The following GPATCH2 variants were observed in gnomAD, a reference collection of about 807,000 sequenced individuals.
GPATCH2 encodes the protein G-patch domain containing 2.
Under a neutral mutation model 58.0 loss-of-function variants are expected in GPATCH2, and 51 were observed. The observed-to-expected ratio is 0.88, with a 90% confidence interval of 0.70 to 1.11. The LOEUF is 1.11. GPATCH2 is among the 50% of genes most tolerant of loss of function. The pLI is 0.00. For missense variants in GPATCH2, 625 were observed against 652.2 expected (o/e 0.96, Z 0.45); for synonymous variants, 222 against 218.5 (o/e 1.02, Z -0.14).
chr1:217,522,574 G>A (rs1031078909), intron 5 of GPATCH2, among the ~76,000 whole-genome samples: 7 of 152,252 alleles, frequency 4.6e-5, no homozygotes, highest in East Asian at 1.9e-4. Context: ...ATATGTTTAC[G>A]TAAAATCCAC....
At chr1:217,518,668 T>C (rs1345332838) in intron 5 of GPATCH2, among the ~76,000 whole-genome samples, 1 of 152,226 alleles carries the variant, frequency 6.6e-6, no homozygotes, top group Non-Finnish European at 1.5e-5. Flanking sequence ...ATATTCTCAA[T>C]GATTGAGATT....
At chr1:217,627,010 T>G (rs1669499216) in intron 1 of GPATCH2, among the ~76,000 whole-genome samples, 1 of 151,912 alleles carries the variant, frequency 6.6e-6, no homozygotes, top group Non-Finnish European at 1.5e-5. Context: ...GGGAGAAAAC[T>G]ACAGAGAACA....
At chr1:217,492,157 C>T (rs1246968453) in intron 7 of GPATCH2, among the ~76,000 whole-genome samples, 1 of 152,144 alleles carries the variant, frequency 6.6e-6, no homozygotes, top group Non-Finnish European at 1.5e-5. Flanking sequence ...ACGGCCTTCA[C>T]TGTTGCATTC....
At chr1:217,470,378 G>A (rs1337915066) in intron 8 of GPATCH2, among the ~76,000 whole-genome samples, 3 of 152,284 alleles carry the variant, frequency 2.0e-5, no homozygotes, top group South Asian at 2.1e-4. Flanking sequence ...AAGAGAAGAC[G>A]TAAGTAATAA....
At chr1:217,437,603 A>G (rs1658901580) in intron 9 of GPATCH2, among the ~76,000 whole-genome samples, 2 of 152,218 alleles carry the variant, frequency 1.3e-5, no homozygotes, top group African/African-American at 4.8e-5. Context: ...CTCACAGTGT[A>G]AACAAAGCTG....
chr1:217,494,595 C>T (rs376078967), intron 7 of GPATCH2, among the ~76,000 whole-genome samples: 2 of 152,004 alleles, frequency 1.3e-5, no homozygotes, highest in South Asian at 2.1e-4. Context: ...AAAAATTAGC[C>T]GGGCATGGTG....
rs183759467 is a variant in GPATCH2, at chr1:217,523,944, G to T, written c.1099-9055C>A. On this transcript the variant is annotated intron_variant, in intron 5 of 9. Coordinates refer to ENST00000366935, the MANE Select transcript of GPATCH2 (RefSeq NM_018040.5). ...TCCCGGACGGGGCAGTTGGCCGGGC[G>T]GGGGGCTGACCCCCACACCTCCCTC... is the stretch of plus-strand genomic sequence containing the variant. 7.4e-5 allele frequency among the ~76,000 whole-genome samples: 7 copies of T among 94,458 alleles called. 1 individual carries two copies. The highest frequency in any genetic ancestry group is 1.8e-4 in the Non-Finnish European group (7 of 39,418). The allele number at this position is 94,458 out of a possible 152,430, so 62.0% of individuals were successfully genotyped here. A position where few individuals can be genotyped will look rare whatever the true frequency, so the allele number is the denominator to read the frequency against.
intron 8 of GPATCH2, among the ~76,000 whole-genome samples, chr1:217,490,547 T>C (rs1043510534): frequency 2.6e-5 from 4 of 152,162 alleles, no homozygotes; most frequent in South Asian, 2.1e-4. Context: ...CAGTTTTCCA[T>C]CTCCTTGAAT....
chr1:217,484,569 T>TATA (rs1661363019), intron 8 of GPATCH2, among the ~76,000 whole-genome samples: 1 of 146,856 alleles, frequency 6.8e-6, no homozygotes, highest in Non-Finnish European at 1.5e-5. Context: ...TATATATATA[T>TATA]ATATATATGA....
chr1:217,460,928 A>C (rs1571740981), intron 8 of GPATCH2, among the ~76,000 whole-genome samples: 1 of 152,336 alleles, frequency 6.6e-6, no homozygotes. Flanking sequence ...ATTTACTTGC[A>C]TAATTGATTT....
intron 5 of GPATCH2, among the ~76,000 whole-genome samples, chr1:217,516,456 G>A (rs1663157445): frequency 6.6e-6 from 1 of 152,136 alleles, no homozygotes; most frequent in Non-Finnish European, 1.5e-5. Flanking sequence ...TATGGTTTGA[G>A]CGCCACAGGT....
chr1:217,597,620 C>T (rs553538125), intron 5 of GPATCH2, among the ~76,000 whole-genome samples: 95 of 152,248 alleles, frequency 6.2e-4, no homozygotes, highest in Non-Finnish European at 1.1e-3. Context: ...CTATATCCCA[C>T]CAGAAGCTCA....
intron 5 of GPATCH2, among the ~76,000 whole-genome samples, chr1:217,543,491 G>C (rs911201560): frequency 2.0e-5 from 3 of 151,876 alleles, no homozygotes; most frequent in African/African-American, 4.8e-5. Flanking sequence ...GGATGGTCTC[G>C]ATCTCCTGAC....
intron 5 of GPATCH2, among the ~76,000 whole-genome samples, chr1:217,556,614 G>A (rs1665638547): frequency 6.6e-6 from 1 of 152,128 alleles, no homozygotes; most frequent in Admixed American, 6.5e-5. Context: ...CCTGCCAAGA[G>A]ACATTTATGA....
intron 2 of GPATCH2, among the ~76,000 whole-genome samples, chr1:217,616,035 C>G (rs1668869348): frequency 6.6e-6 from 1 of 152,050 alleles, no homozygotes; most frequent in Non-Finnish European, 1.5e-5. Context: ...AAAGGAAATT[C>G]TAATAAACTA....
intron 8 of GPATCH2, among the ~76,000 whole-genome samples, chr1:217,449,982 C>A (rs897655038): frequency 2.6e-5 from 4 of 151,892 alleles, no homozygotes; most frequent in Non-Finnish European, 5.9e-5. Context: ...AGAAGTGGAC[C>A]TTCTGCTATT....
chr1:217,544,192 C>T (rs1052251558), intron 5 of GPATCH2, among the ~76,000 whole-genome samples: 29 of 152,208 alleles, frequency 1.9e-4, no homozygotes, highest in African/African-American at 7.0e-4. Flanking sequence ...GTCAAGAGTT[C>T]GAAACAAGCC....
At chr1:217,533,302 T>C (rs762325037) in intron 5 of GPATCH2, among the ~76,000 whole-genome samples, 17 of 152,208 alleles carry the variant, frequency 1.1e-4, no homozygotes, top group Non-Finnish European at 2.1e-4. Flanking sequence ...ATTATATCTA[T>C]TGATATTGAG....
chr1:217,611,403 G>A (rs1378971736), intron 3 of GPATCH2, among the ~76,000 whole-genome samples: 1 of 151,992 alleles, frequency 6.6e-6, no homozygotes, highest in Non-Finnish European at 1.5e-5. Context: ...CTTAAGAAAT[G>A]TTATCTTAAG....
Sources: allele counts gnomAD v4.1 joint callset (sites outside exome capture counted in the v4.1 genomes callset), GRCh38; gene constraint gnomAD v4.1.1; transcripts MANE v1.5; gene names NCBI Gene and HGNC (gene_info 2026-07-23, HGNC 2026-07-21).